MAP2K6: variants seen among roughly 807,000 people sequenced by gnomAD.
MAP2K6 encodes the protein dual specificity mitogen-activated protein kinase kinase 6.
Under a neutral mutation model 53.7 loss-of-function variants are expected in MAP2K6, and 16 were observed. That is an observed-to-expected ratio of 0.30 (90% CI 0.20 to 0.45). The LOEUF is 0.45. MAP2K6 is among the 20% of genes least tolerant of loss of function. The probability of loss-of-function intolerance (pLI) is 1.00; values close to 1 mark genes in which losing one functional copy is unlikely to be tolerated. For missense variants in MAP2K6, 204 were observed against 411.9 expected (o/e 0.50, Z 4.37); for synonymous variants, 132 against 143.1 (o/e 0.92, Z 0.55).
chr17:69,466,911 T>C (rs999601571), intron 1 of MAP2K6, among the ~76,000 whole-genome samples: 3 of 152,212 alleles, frequency 2.0e-5, no homozygotes, highest in African/African-American at 7.2e-5. Context: ...CTGGGAAATA[T>C]ATGCAGAGCT....
intron 1 of MAP2K6, among the ~76,000 whole-genome samples, chr17:69,448,041 C>T (rs986776268): frequency 6.6e-6 from 1 of 152,084 alleles, no homozygotes; most frequent in Non-Finnish European, 1.5e-5. Flanking sequence ...GAAGTCAGCC[C>T]GTTAGCCTGG....
Position 69,433,262 on chromosome 17 carries a change from T to C in MAP2K6, c.16+18262T>C, listed in dbSNP as rs184877257. Reference sequence around the variant, plus strand: ...TTATGACCGAGAGAGATTATGTAACTGGAAAGGCCAAGGTAGCGGTAAGCC... The same window carrying C: ...TTATGACCGAGAGAGATTATGTAACCGGAAAGGCCAAGGTAGCGGTAAGCC... On this transcript the variant is annotated intron_variant, in intron 1 of 11. Transcript: ENST00000590474. 4.9e-3 allele frequency: 750 copies of C among 152,324 alleles called. 3 individuals are homozygous for C. The highest frequency in any genetic ancestry group is 6.2e-3 in the Non-Finnish European group (419 of 68,022). 9.4% of individuals were successfully genotyped at this position (152,324 alleles called of 1,614,324 possible).
At chr17:69,433,677 T>C (rs543839569) in intron 1 of MAP2K6, 11 of 152,218 alleles carry the variant, frequency 7.2e-5, no homozygotes, top group African/African-American at 2.7e-4. Flanking sequence ...TCTCTGCCAA[T>C]GTTTGTGATG....
At chr17:69,531,151 TG>T (rs375123794) in intron 10 of MAP2K6, among the ~76,000 whole-genome samples, 4 of 152,004 alleles carry the variant, frequency 2.6e-5, no homozygotes, top group African/African-American at 9.6e-5. Context: ...ATGTGCTAAG[TG>T]GGGAAGGGAG....
chr17:69,464,242 G>C (rs1907723697), intron 1 of MAP2K6, among the ~76,000 whole-genome samples: 1 of 151,558 alleles, frequency 6.6e-6, no homozygotes, highest in African/African-American at 2.4e-5. Context: ...TGGGTCTTAG[G>C]TTCCTCATCT....
At chr17:69,536,241 A>G in intron 11 of MAP2K6, 81 bp downstream of exon 11, 1 of 981,684 alleles carries the variant, frequency 1.0e-6, no homozygotes, top group Non-Finnish European at 1.6e-6. Flanking sequence ...TTATCATCAC[A>G]TCACCATATT....
intron 1 of MAP2K6, chr17:69,485,137 AGTGC>A (rs1908484298): frequency 6.6e-6 from 1 of 152,206 alleles, no homozygotes; most frequent in East Asian, 1.9e-4. Flanking sequence ...TAAGAGTCAG[AGTGC>A]AAAGGTAATG....
chr17:69,516,779 C>CAG, intron 2 of MAP2K6, 76 bp from the exon 3 acceptor site: 1 of 932,426 alleles, frequency 1.1e-6, no homozygotes, highest in Non-Finnish European at 1.6e-6. Flanking sequence ...AAAATATCCT[C>CAG]AGTGGTGTGT....
At chr17:69,532,618 C>T (rs1319916622) in intron 10 of MAP2K6, among the ~76,000 whole-genome samples, 1 of 152,216 alleles carries the variant, frequency 6.6e-6, no homozygotes, top group Non-Finnish European at 1.5e-5. Flanking sequence ...TTCCCCCCAA[C>T]CTTATCCTGA....
At chr17:69,436,883 G>A (rs1422574654) in intron 1 of MAP2K6, among the ~76,000 whole-genome samples, 2 of 151,256 alleles carry the variant, frequency 1.3e-5, no homozygotes, top group Non-Finnish European at 2.9e-5. Context: ...GGAGTACAAT[G>A]GTATGATCTC....
chr17:69,521,174 C>G, intron 7 of MAP2K6, 74 bp downstream of exon 7: 1 of 1,340,090 alleles, frequency 7.5e-7, no homozygotes, highest in Middle Eastern at 1.8e-4. Context: ...CGTCTCTACC[C>G]CCAGTCCCCC....
intron 2 of MAP2K6, among the ~76,000 whole-genome samples, chr17:69,509,633 T>C (rs554386726): frequency 1.1e-4 from 17 of 152,294 alleles, no homozygotes; most frequent in Middle Eastern, 3.4e-3. Context: ...TCTTGCCTTA[T>C]TGAAGTGGCA....
At chr17:69,515,712 G>C (rs1251058177) in intron 2 of MAP2K6, among the ~76,000 whole-genome samples, 1 of 152,306 alleles carries the variant, frequency 6.6e-6, no homozygotes, top group South Asian at 2.1e-4. Flanking sequence ...TGCTGGGCTT[G>C]ATAAGACAGC....
intron 1 of MAP2K6, among the ~76,000 whole-genome samples, chr17:69,476,965 G>A (rs1350607275): frequency 1.3e-5 from 2 of 152,156 alleles, no homozygotes; most frequent in African/African-American, 4.8e-5. Flanking sequence ...GAAGACTCTG[G>A]CTGACATCCA....
chr17:69,420,321 T>G (rs1216422185), intron 1 of MAP2K6, among the ~76,000 whole-genome samples: 1 of 152,178 alleles, frequency 6.6e-6, no homozygotes, highest in Non-Finnish European at 1.5e-5. Flanking sequence ...TGCAGAGAAA[T>G]TTAATCTAAT....
At chr17:69,474,659 T>C (rs1046311043) in intron 1 of MAP2K6, among the ~76,000 whole-genome samples, 2 of 152,230 alleles carry the variant, frequency 1.3e-5, no homozygotes, top group Non-Finnish European at 2.9e-5. Flanking sequence ...CAAGTTGATC[T>C]CTTTCTATGA....
At chr17:69,541,081 G>T (rs1217553252) in intron 11 of MAP2K6, among the ~76,000 whole-genome samples, 2 of 152,130 alleles carry the variant, frequency 1.3e-5, no homozygotes, top group Non-Finnish European at 2.9e-5. Flanking sequence ...GGGTAACACA[G>T]TGAAACCCTG....
chr17:69,486,769 A>G (rs1908554499), intron 1 of MAP2K6, among the ~76,000 whole-genome samples: 1 of 147,680 alleles, frequency 6.8e-6, no homozygotes, highest in African/African-American at 2.5e-5. Context: ...CCCCCTGCTT[A>G]GGGAAGGGGC....
intron 2 of MAP2K6, among the ~76,000 whole-genome samples, chr17:69,514,842 G>A (rs958341357): frequency 6.6e-6 from 1 of 152,146 alleles, no homozygotes; most frequent in Non-Finnish European, 1.5e-5. Context: ...GATTACAGGC[G>A]TGAGCCACTG....
Sources: gnomAD v4.1 joint callset for allele counts (sites outside exome capture counted in the v4.1 genomes callset) on GRCh38, gnomAD v4.1.1 for gene constraint, MANE v1.5 for transcripts, NCBI Gene and HGNC (gene_info 2026-07-23, HGNC 2026-07-21) for gene names.